RIN2: variants seen among roughly 807,000 people sequenced by gnomAD.
RIN2 encodes the protein RAB5 interacting protein 2.
A neutral mutation model predicts 78.0 loss-of-function variants in RIN2; 36 were observed. The observed-to-expected ratio is 0.46, with a 90% CI of 0.35 to 0.61. The LOEUF is 0.61. Among genes scored for constraint, RIN2 ranks in the 20% least tolerant of loss-of-function variants. The pLI is 0.00. For synonymous variants in RIN2, 466 were observed against 466.8 expected, an observed-to-expected ratio of 1.00 and a Z score of 0.02; for missense variants, 1,087 against 1,159.7, an observed-to-expected ratio of 0.94 and a Z score of 0.91.
At chr20:19,792,134 G>A (rs762095087) in intron 1 of RIN2, among the ~76,000 whole-genome samples, 1 of 152,120 alleles carries the variant, frequency 6.6e-6, no homozygotes, top group Non-Finnish European at 1.5e-5. Context: ...TGTGGACAGA[G>A]GAACTGCCTG....
intron 11 of RIN2, among the ~76,000 whole-genome samples, chr20:19,993,690 G>A (rs1486387857): frequency 6.6e-6 from 1 of 152,042 alleles, no homozygotes; most frequent in African/African-American, 2.4e-5. Context: ...GCCCTCCCTG[G>A]AGCTTTTCTT....
chr20:19,805,576 A>G (rs2035382608), intron 2 of RIN2, among the ~76,000 whole-genome samples: 1 of 152,048 alleles, frequency 6.6e-6, no homozygotes, highest in East Asian at 1.9e-4. Flanking sequence ...TAATTTTTGT[A>G]TTTTTAGTAG....
intron 4 of RIN2, among the ~76,000 whole-genome samples, chr20:19,952,835 C>A (rs6136894): frequency 6.6e-5 from 10 of 152,082 alleles, no homozygotes; most frequent in Admixed American, 6.6e-4. Flanking sequence ...GGTACCCATC[C>A]CGCGCCCGCA....
chr20:19,835,093 G>T (rs200359138), intron 2 of RIN2, among the ~76,000 whole-genome samples: 1 of 110,868 alleles, frequency 9.0e-6, no homozygotes. Context: ...AAGAGAAAAA[G>T]AAAGAAGAAA....
intron 8 of RIN2, among the ~76,000 whole-genome samples, chr20:19,973,849 C>G (rs144410410): frequency 8.4e-4 from 128 of 152,046 alleles, no homozygotes; most frequent in African/African-American, 3.0e-3. Context: ...CACCACTGAT[C>G]ACAGCACTAC....
chr20:19,917,619 C>T (rs1280196119), intron 3 of RIN2, among the ~76,000 whole-genome samples: 2 of 152,194 alleles, frequency 1.3e-5, no homozygotes, highest in African/African-American at 4.8e-5. Context: ...TAAATCCATA[C>T]ATAAGTGCAG....
intron 2 of RIN2, among the ~76,000 whole-genome samples, chr20:19,855,802 A>G (rs1000574160): frequency 6.6e-6 from 1 of 152,192 alleles, no homozygotes; most frequent in Admixed American, 6.6e-5. Flanking sequence ...TTGGCCAGGC[A>G]TGGTGGCTCA....
intron 9 of RIN2, among the ~76,000 whole-genome samples, chr20:19,981,437 C>T (rs1475242159): frequency 3.3e-5 from 5 of 152,222 alleles, no homozygotes; most frequent in Non-Finnish European, 1.5e-5. Context: ...AAGCAAGTCA[C>T]TTAGCACTGC....
intron 2 of RIN2, among the ~76,000 whole-genome samples, chr20:19,803,023 C>A (rs1200984628): frequency 6.6e-6 from 1 of 152,178 alleles, no homozygotes; most frequent in Non-Finnish European, 1.5e-5. Flanking sequence ...TAACTAAATA[C>A]AATTAACCGA....
intron 1 of RIN2, among the ~76,000 whole-genome samples, chr20:19,788,432 CA>C (rs1224663738): frequency 0.018 from 981 of 53,728 alleles, 11 homozygotes; most frequent in Middle Eastern, 0.028. Context: ...CTGTCTCTGC[CA>C]AAAAAAAAAA....
chr20:19,897,132 GTC>G (rs2038768275), intron 3 of RIN2, among the ~76,000 whole-genome samples: 2 of 152,098 alleles, frequency 1.3e-5, no homozygotes, highest in African/African-American at 2.4e-5. Context: ...TTGAGACAGA[GTC>G]TCTCTCTGTC....
At chr20:19,855,342 C>CT (rs1477197164) in intron 2 of RIN2, among the ~76,000 whole-genome samples, 3 of 152,158 alleles carry the variant, frequency 2.0e-5, no homozygotes, top group Non-Finnish European at 4.4e-5. Flanking sequence ...CTAAAATTCA[C>CT]TTTTTTTGTT....
intron 12 of RIN2, 46 bp downstream of exon 12, chr20:19,996,888 C>G (rs377026356): frequency 6.6e-7 from 1 of 1,515,168 alleles, no homozygotes; most frequent in South Asian, 1.3e-5. Context: ...TCCAGGAATG[C>G]GGAGCTGGCT....
intron 1 of RIN2, among the ~76,000 whole-genome samples, chr20:19,773,736 T>A (rs187335126): frequency 6.6e-6 from 1 of 152,190 alleles, no homozygotes; most frequent in East Asian, 1.9e-4. Context: ...AGCTTCTCCT[T>A]CCTGCTGGCT....
At chr20:19,832,600 A>G (rs2036283201) in intron 2 of RIN2, among the ~76,000 whole-genome samples, 1 of 151,942 alleles carries the variant, frequency 6.6e-6, no homozygotes, top group African/African-American at 2.4e-5. Context: ...AACCAGGGAC[A>G]GCCCCTTCCT....
chr20:19,770,087 G>A (rs2034054792), intron 1 of RIN2, among the ~76,000 whole-genome samples: 1 of 152,188 alleles, frequency 6.6e-6, no homozygotes, highest in African/African-American at 2.4e-5. Context: ...GGAAGATGGT[G>A]TAATGAAGGT....
At chr20:19,808,816 G>C (rs1367888228) in intron 2 of RIN2, among the ~76,000 whole-genome samples, 2 of 152,212 alleles carry the variant, frequency 1.3e-5, no homozygotes, top group African/African-American at 4.8e-5. Context: ...TAGTGCCAGC[G>C]ACCCTAGGGA....
intron 4 of RIN2, among the ~76,000 whole-genome samples, chr20:19,953,967 C>T (rs6046482): frequency 0.11 from 17,168 of 152,224 alleles, 1,031 homozygotes; most frequent in East Asian, 0.17. Flanking sequence ...TTGAGCAAAG[C>T]TTTCACATAT....
At chr20:19,818,658 G>A (rs1293839198) in intron 2 of RIN2, among the ~76,000 whole-genome samples, 4 of 151,026 alleles carry the variant, frequency 2.6e-5, no homozygotes, top group Non-Finnish European at 5.9e-5. Context: ...CTTGAACCCG[G>A]AAGGCAGAAG....
Sources: allele counts gnomAD v4.1 joint callset (sites outside exome capture counted in the v4.1 genomes callset), GRCh38; gene constraint gnomAD v4.1.1; transcripts MANE v1.5; gene names NCBI Gene and HGNC (gene_info 2026-07-23, HGNC 2026-07-21).